Variants in TSPAN14 observed in about 807,000 individuals in gnomAD.
TSPAN14 encodes tetraspanin 14, also known as tetraspanin-14.
Under a neutral mutation model 36.6 loss-of-function variants are expected in TSPAN14, and 16 were observed. The ratio of observed to expected loss-of-function variants is 0.44; its 90% CI spans 0.30 to 0.66. The LOEUF (loss-of-function observed/expected upper bound fraction) is 0.66, where lower values mean the gene tolerates loss of function less well. Among genes scored for constraint, TSPAN14 ranks in the 30% least tolerant of loss-of-function variants. The probability of loss-of-function intolerance (pLI) is 0.12; values close to 1 mark genes in which losing one functional copy is unlikely to be tolerated. For synonymous variants in TSPAN14, 139 were observed against 143.8 expected (o/e 0.97, Z 0.24); for missense variants, 231 against 355.1 (o/e 0.65, Z 2.81).
At position 80,509,251 on chromosome 10, in the gene TSPAN14, G is replaced by T; in HGVS notation, c.280-50G>T. ...GTCAGGTGGGGTTATGTGTGTGGGGGTGCAGGCTGGTGGGGTGGTGACTTC... is the reference window on the plus strand; with the variant it reads ...GTCAGGTGGGGTTATGTGTGTGGGGTTGCAGGCTGGTGGGGTGGTGACTTC... On this transcript the variant is annotated intron_variant, in intron 4 of 8. Coordinates refer to ENST00000429989, the Ensembl canonical transcript of TSPAN14. The surrounding 1 kb of genome is among the most constrained non-coding windows in gnomAD (Gnocchi z 4.7). 2 of 1,582,190 alleles carry T rather than the reference G, an allele frequency of 1.3e-6. No individual in the cohort carries two copies. Among genetic ancestry groups the T allele is most frequent in the Non-Finnish European group, 1.7e-6 (2 of 1,160,614 alleles).
intron 1 of TSPAN14, chr10:80,485,613 A>G: frequency 1.0e-6 from 1 of 985,230 alleles, no homozygotes; most frequent in Non-Finnish European, 1.2e-6. Context: ...AGCTTAAACT[A>G]TGTGGAGACC....
At chr10:80,462,000 A>G (rs1276824770) in intron 1 of TSPAN14, among the ~76,000 whole-genome samples, 4 of 150,304 alleles carry the variant, frequency 2.7e-5, no homozygotes. Flanking sequence ...TGAGGCCTCC[A>G]CCTTCCTGGC....
At chr10:80,492,236 A>C (rs143489116) in intron 2 of TSPAN14, among the ~76,000 whole-genome samples, 39 of 152,326 alleles carry the variant, frequency 2.6e-4, no homozygotes, top group African/African-American at 9.4e-4. Flanking sequence ...TAATAAAATG[A>C]ACTCCATGTT....
chr10:80,495,163 C>A (rs927467841), intron 2 of TSPAN14, among the ~76,000 whole-genome samples: 1 of 152,004 alleles, frequency 6.6e-6, no homozygotes, highest in Non-Finnish European at 1.5e-5. Context: ...TTATGTAATA[C>A]GCATTCTTCC....
At position 80,514,035 on chromosome 10, in the gene TSPAN14, C is replaced by T; in HGVS notation, c.593C>T (p.Thr198Ile). The T allele has an allele frequency of 6.2e-7, 1 of 1,613,992 alleles. No homozygotes were observed. The highest frequency in any genetic ancestry group is 1.1e-5 in the South Asian group (1 of 90,984). Residue 198 changes from threonine to isoleucine, a missense_variant, in exon 7 of 9, where the codon ACA becomes ATA. Transcript: ENST00000429989. The stretch of plus-strand genomic sequence containing the variant: ...TTCTTGCAGCAAAAAGTTGTGAACA[C>T]ACAGTGTGGATATGATGTCAGGATT...
intron 1 of TSPAN14, among the ~76,000 whole-genome samples, chr10:80,483,185 C>G (rs947349502): frequency 1.3e-5 from 2 of 152,156 alleles, no homozygotes; most frequent in Non-Finnish European, 2.9e-5. Context: ...TGACTGCCAG[C>G]CTTATATATT....
At chr10:80,463,673 T>C (rs911188134) in intron 1 of TSPAN14, among the ~76,000 whole-genome samples, 2 of 152,222 alleles carry the variant, frequency 1.3e-5, no homozygotes, top group Admixed American at 1.3e-4. Flanking sequence ...CAGTGTTTTG[T>C]TTCTATAGGC....
intron 2 of TSPAN14, among the ~76,000 whole-genome samples, chr10:80,494,708 C>T (rs2132023278): frequency 6.6e-6 from 1 of 152,306 alleles, no homozygotes; most frequent in Non-Finnish European, 1.5e-5. Context: ...ATCCCTAGAT[C>T]TTCAGACAAA....
intron 1 of TSPAN14, chr10:80,459,168 C>T (rs2131948807): frequency 6.6e-6 from 1 of 152,184 alleles, no homozygotes; most frequent in Non-Finnish European, 1.5e-5. Context: ...AGCAAGTGTT[C>T]ACCAGCAGCT....
At chr10:80,502,659 G>A (rs1268281784) in intron 2 of TSPAN14, among the ~76,000 whole-genome samples, 3 of 152,042 alleles carry the variant, frequency 2.0e-5, no homozygotes, top group Non-Finnish European at 2.9e-5. Context: ...GGGGAGCTCG[G>A]TTGGGGTTGG....
At chr10:80,501,365 ATCC>A (rs1049822000) in intron 2 of TSPAN14, among the ~76,000 whole-genome samples, 3 of 148,158 alleles carry the variant, frequency 2.0e-5, no homozygotes, top group African/African-American at 7.6e-5. Context: ...GGCTCAAGCA[ATCC>A]TCCTGCCTCA....
At chr10:80,496,040 G>C (rs1233959564) in intron 2 of TSPAN14, among the ~76,000 whole-genome samples, 1 of 151,866 alleles carries the variant, frequency 6.6e-6, no homozygotes, top group Admixed American at 6.6e-5. Flanking sequence ...TTGTTTTTCT[G>C]TTTTTAATTA....
intron 1 of TSPAN14, among the ~76,000 whole-genome samples, chr10:80,476,565 G>A (rs969889512): frequency 3.3e-5 from 5 of 151,680 alleles, no homozygotes; most frequent in African/African-American, 1.2e-4. Context: ...ACAGGCACCC[G>A]CTACCACACC....
intron 2 of TSPAN14, among the ~76,000 whole-genome samples, chr10:80,496,307 A>G (rs1589278812): frequency 6.6e-6 from 1 of 152,190 alleles, no homozygotes; most frequent in Admixed American, 6.5e-5. Context: ...TTGAAGCTGT[A>G]CATTTTCTGC....
chr10:80,495,588 T>C (rs1848157968), intron 2 of TSPAN14, among the ~76,000 whole-genome samples: 1 of 152,170 alleles, frequency 6.6e-6, no homozygotes, highest in Admixed American at 6.5e-5. Context: ...TCTGAGATTA[T>C]TGCCTGGCAC....
At chr10:80,495,139 A>T (rs1848129249) in intron 2 of TSPAN14, among the ~76,000 whole-genome samples, 2 of 152,136 alleles carry the variant, frequency 1.3e-5, no homozygotes, top group South Asian at 4.1e-4. Context: ...CTAGATAAGG[A>T]TGCAGTGATT....
chr10:80,466,759 A>G (rs1308589014), intron 1 of TSPAN14, among the ~76,000 whole-genome samples: 2 of 152,124 alleles, frequency 1.3e-5, no homozygotes, highest in South Asian at 2.1e-4. Context: ...CGGTCTCAAG[A>G]GGTGTGGGGA....
intron 8 of TSPAN14, among the ~76,000 whole-genome samples, chr10:80,517,430 G>A (rs1840995827): frequency 6.6e-6 from 1 of 152,210 alleles, no homozygotes; most frequent in South Asian, 2.1e-4. Context: ...GCTCACCAAG[G>A]TTGGGATGGA....
chr10:80,503,851 A>G (rs1840128799), intron 2 of TSPAN14, among the ~76,000 whole-genome samples: 1 of 152,120 alleles, frequency 6.6e-6, no homozygotes, highest in Non-Finnish European at 1.5e-5. Context: ...ATGGCAGTGA[A>G]ATGCCAGTGT....
Sources: allele counts gnomAD v4.1 joint callset (sites outside exome capture counted in the v4.1 genomes callset), GRCh38; gene constraint gnomAD v4.1.1; non-coding constraint Gnocchi (gnomAD v3.1); transcripts MANE v1.5; gene names NCBI Gene and HGNC (gene_info 2026-07-23, HGNC 2026-07-21).